Variants in CREBBP observed in about 807,000 individuals in gnomAD.
CREBBP encodes CREB-binding protein.
A neutral mutation model predicts 265.0 loss-of-function variants in CREBBP; 19 were observed. The observed-to-expected ratio is 0.07, with a 90% CI of 0.05 to 0.11. The LOEUF is 0.11. CREBBP is among the 10% of genes least tolerant of loss of function. The pLI is 1.00. For missense variants in CREBBP, 2,525 were observed against 3,219.0 expected (o/e 0.78, Z 5.22); for synonymous variants, 1,457 against 1,223.7 (o/e 1.19, Z -3.98).
In CREBBP at chr16:3,810,624, T is replaced by C; in HGVS notation, c.954A>G (p.Ser318=). The C allele has an allele frequency of 6.2e-7, 1 of 1,613,784 alleles. No homozygotes were observed. The highest frequency in any genetic ancestry group is 8.5e-7 in the Non-Finnish European group (1 of 1,179,976). Reference sequence around the variant, plus strand: ...TTACCATATTTGGCACGTTGGTGACTGAAGTATTCTTGATATCTGTAGGGA... The same window carrying C: ...TTACCATATTTGGCACGTTGGTGACCGAAGTATTCTTGATATCTGTAGGGA... ...PTFPTDIKNT[S]VTNVPNMSQM... Residue 318 remains serine (S), a synonymous_variant, in exon 3 of 31, where the codon TCA becomes TCG. Transcript: ENST00000262367.
chr16:3,792,667 T>C (rs1441885900), intron 4 of CREBBP, among the ~76,000 whole-genome samples: 1 of 152,198 alleles, frequency 6.6e-6, no homozygotes, highest in African/African-American at 2.4e-5. Context: ...GACTCACAAA[T>C]GTCACAACGG....
In CREBBP at chr16:3,773,887, A is replaced by G. The variant is rs2141216588; in HGVS notation, c.2327T>C (p.Met776Thr). 1.9e-6 allele frequency: 3 copies of G among 1,612,304 alleles called. No individual in the cohort carries two copies. The highest frequency in any genetic ancestry group is 2.5e-6 in the Non-Finnish European group (3 of 1,180,030). The change falls in exon 13 of 31, where the codon ATG (methionine) becomes ACG (threonine). Residue 776 changes from methionine (M) to threonine (T), a missense_variant. Physicochemically the swap from Met to Thr is moderately conservative, Grantham distance 81. Coordinates refer to ENST00000262367, the MANE Select transcript of CREBBP (RefSeq NM_004380.3). ...PSRMPQPPNM[M>T]GAHTNNMMAQ... ...CATCATGTTGTTGGTGTGTGCACCC[A>G]TCATGTTCGGAGGCTGAGGCATTCG...
At position 3,836,647 on chromosome 16, in the gene CREBBP, TAATC is replaced by T. The variant is rs757342897; in HGVS notation, c.798+13646_798+13649del. Among the ~76,000 whole-genome samples, 12 of 152,052 alleles carry T rather than the reference TAATC, an allele frequency of 7.9e-5. No homozygotes were observed. In the South Asian group the frequency reaches 1.0e-3, roughly 13 times the overall value. ...GCTATATAAATTACAACTCCAAAAA[TAATC>T]AAAGTAAAATAATAAAAATATTTTA... is the stretch of plus-strand genomic sequence containing the variant. On this transcript the variant is annotated intron_variant, in intron 2 of 30. Coordinates refer to ENST00000262367, the MANE Select transcript of CREBBP (RefSeq NM_004380.3).
chr16:3,734,303 G>T (rs2051994711), intron 28 of CREBBP, among the ~76,000 whole-genome samples: 1 of 152,164 alleles, frequency 6.6e-6, no homozygotes, highest in Non-Finnish European at 1.5e-5. Context: ...TGCTGACGAA[G>T]GCATGTCCCT....
chr16:3,878,850 GA>G (rs1310418358), intron 1 of CREBBP, among the ~76,000 whole-genome samples: 10 of 152,336 alleles, frequency 6.6e-5, no homozygotes, highest in Non-Finnish European at 1.5e-4. Context: ...ATGTTACCAT[GA>G]ACCAGCGCAG....
intron 3 of CREBBP, among the ~76,000 whole-genome samples, chr16:3,802,098 A>ACT (rs1248362269): frequency 1.6e-5 from 1 of 63,740 alleles, no homozygotes; most frequent in East Asian, 4.2e-4. Flanking sequence ...CTTTATATTT[A>ACT]CTCTGGTATT....
At chr16:3,745,568 G>A (rs1366324566) in intron 21 of CREBBP, 3 of 579,628 alleles carry the variant, frequency 5.2e-6, no homozygotes, top group Admixed American at 2.9e-5. Flanking sequence ...TTGTACAAGC[G>A]CTTCATTCCT....
intron 1 of CREBBP, 28 bp downstream of exon 1, chr16:3,879,804 C>T (rs779174290): frequency 1.9e-6 from 3 of 1,553,494 alleles, no homozygotes; most frequent in South Asian, 1.2e-5. Flanking sequence ...GCGCCCCGGG[C>T]CCCCGCCGCC....
intron 2 of CREBBP, among the ~76,000 whole-genome samples, chr16:3,815,960 C>T (rs1233423070): frequency 6.6e-6 from 1 of 151,984 alleles, no homozygotes; most frequent in African/African-American, 2.4e-5. Context: ...AGAGAATAGG[C>T]AACTGTTCAG....
chr16:3,827,247 C>T (rs2054255405), intron 2 of CREBBP, among the ~76,000 whole-genome samples: 2 of 151,738 alleles, frequency 1.3e-5, no homozygotes, highest in Non-Finnish European at 2.9e-5. Context: ...GGCATTAATT[C>T]TAATGAAAAC....
At chr16:3,802,934 C>T (rs930746657) in intron 3 of CREBBP, among the ~76,000 whole-genome samples, 2 of 152,032 alleles carry the variant, frequency 1.3e-5, no homozygotes, top group African/African-American at 2.4e-5. Flanking sequence ...GCTGGCTCTG[C>T]AATAACCACT....
intron 20 of CREBBP, among the ~76,000 whole-genome samples, chr16:3,750,956 T>A (rs1458658820): frequency 1.3e-5 from 2 of 152,132 alleles, no homozygotes; most frequent in African/African-American, 4.8e-5. Context: ...ATTTACATGG[T>A]CGGGCATGGT....
intron 1 of CREBBP, among the ~76,000 whole-genome samples, chr16:3,868,479 A>G (rs1433638028): frequency 7.8e-6 from 1 of 128,826 alleles, no homozygotes; most frequent in Non-Finnish European, 1.8e-5. Flanking sequence ...AAAATAAATC[A>G]CAGGAGCTCC....
chr16:3,801,549 A>G (rs563302295), intron 3 of CREBBP, among the ~76,000 whole-genome samples: 1 of 152,294 alleles, frequency 6.6e-6, no homozygotes, highest in Admixed American at 6.5e-5. Flanking sequence ...GCACACCTGT[A>G]ATCCCAGCTA....
chr16:3,781,170 T>TG (rs1161665218), intron 7 of CREBBP, 34 bp downstream of exon 7: 2 of 1,567,014 alleles, frequency 1.3e-6, no homozygotes, highest in Admixed American at 1.7e-5. Flanking sequence ...ATGCTCCTGT[T>TG]GGACTGTCAC....
intron 1 of CREBBP, among the ~76,000 whole-genome samples, chr16:3,875,756 C>G (rs1431882633): frequency 6.6e-6 from 1 of 152,172 alleles, no homozygotes; most frequent in Non-Finnish European, 1.5e-5. Flanking sequence ...AAGTCCAGTT[C>G]CTCACCTAGA....
chr16:3,797,610 T>G (rs1380799110), intron 3 of CREBBP, among the ~76,000 whole-genome samples: 1 of 152,154 alleles, frequency 6.6e-6, no homozygotes, highest in Non-Finnish European at 1.5e-5. Context: ...TCTCTCTCTC[T>G]CTCTCTAAAC....
At chr16:3,876,112 C>A (rs1362735337) in intron 1 of CREBBP, among the ~76,000 whole-genome samples, 1 of 152,160 alleles carries the variant, frequency 6.6e-6, no homozygotes, top group East Asian at 1.9e-4. Flanking sequence ...GATCACAGCT[C>A]ACTGCAGCCT....
intron 1 of CREBBP, among the ~76,000 whole-genome samples, chr16:3,872,995 C>G (rs763013794): frequency 7.9e-5 from 12 of 152,206 alleles, no homozygotes; most frequent in Non-Finnish European, 1.8e-4. Flanking sequence ...TTCAGATCAC[C>G]CTTTCTGGTT....
Sources: allele counts gnomAD v4.1 joint callset (sites outside exome capture counted in the v4.1 genomes callset), GRCh38; gene constraint gnomAD v4.1.1; transcripts MANE v1.5; gene names NCBI Gene and HGNC (gene_info 2026-07-23, HGNC 2026-07-21).